FAR1: variants seen among roughly 807,000 people sequenced by gnomAD.
The protein encoded by FAR1 is male sterility domain-containing protein 2.
Under a neutral mutation model 61.1 loss-of-function variants are expected in FAR1, and 22 were observed. The ratio of observed to expected loss-of-function variants is 0.36; its 90% CI spans 0.26 to 0.51. The LOEUF is 0.51. Among genes scored for constraint, FAR1 ranks in the 20% least tolerant of loss-of-function variants. The probability of loss-of-function intolerance (pLI) is 0.95; values close to 1 mark genes in which losing one functional copy is unlikely to be tolerated. For missense variants in FAR1, 359 were observed against 626.9 expected (o/e 0.57, Z 4.56); for synonymous variants, 206 against 209.7 (o/e 0.98, Z 0.15).
intron 10 of FAR1, among the ~76,000 whole-genome samples, chr11:13,727,165 G>C (rs537148477): frequency 6.6e-6 from 1 of 152,078 alleles, no homozygotes; most frequent in East Asian, 1.9e-4. Flanking sequence ...AAATTAGTCT[G>C]TTCAGTAGGC....
In FAR1 at chr11:13,708,434, TGC is replaced by T. The variant is rs71485207; in HGVS notation, c.545+368_545+369del. ...CTCCTCACCCCACCCCATATACATG[TGC>T]GCGCGCGCGCGCACACACACACACA... On this transcript the variant is annotated intron_variant, in intron 4 of 11. Coordinates refer to ENST00000354817, the MANE Select transcript of FAR1 (RefSeq NM_032228.6). Among the ~76,000 whole-genome samples the T allele has an allele frequency of 3.2e-3, 430 of 134,408 alleles. 1 individual carries two copies. The highest frequency in any genetic ancestry group is 9.8e-3 in the African/African-American group (354 of 35,950). The allele number at this position is 134,408 out of a possible 152,430, so 88.2% of individuals were successfully genotyped here.
rs918716596 is a variant in FAR1 at position 13,677,354 on chromosome 11, C to T, written c.-8+8548C>T. Among the ~76,000 whole-genome samples the T allele has an allele frequency of 3.3e-5, 5 of 152,158 alleles. No individual in the cohort carries two copies. The South Asian group carries it at 1.0e-3, about 32-fold the overall frequency. On this transcript the variant is annotated intron_variant, in intron 1 of 11. Coordinates refer to ENST00000354817, the MANE Select transcript of FAR1 (RefSeq NM_032228.6). ...AACATTTTCCTCATGCTTTTTTATA[C>T]CTTTCTAGGATGATCTTTGCCTAAC...
At chr11:13,702,187 T>C (rs1232876525) in intron 3 of FAR1, among the ~76,000 whole-genome samples, 1 of 152,150 alleles carries the variant, frequency 6.6e-6, no homozygotes, top group Non-Finnish European at 1.5e-5. Flanking sequence ...TTATTAGGAC[T>C]ATAATATGAT....
In FAR1 at chr11:13,727,659, C is replaced by A; in HGVS notation, c.1361C>A (p.Pro454His). The A allele has an allele frequency of 6.2e-7, 1 of 1,608,550 alleles. No individual in the cohort carries two copies. The highest frequency in any genetic ancestry group is 1.1e-5 in the South Asian group (1 of 90,388). The change falls in exon 11 of 12, where the codon CCT becomes CAT. Residue 454 changes from proline to histidine, a missense_variant. Pro to His is a moderately conservative substitution (Grantham distance 77). Coordinates refer to ENST00000354817, the MANE Select transcript of FAR1 (RefSeq NM_032228.6). ...YVLNEEMSGL[P>H]AARKHLNKLR... The stretch of plus-strand genomic sequence containing the variant: ...TTGAATGAAGAAATGTCTGGCCTCC[C>A]TGCAGCCAGAAAACATCTGAACAAG...
intron 1 of FAR1, among the ~76,000 whole-genome samples, chr11:13,673,946 A>G (rs1427610015): frequency 6.6e-6 from 1 of 152,224 alleles, no homozygotes; most frequent in Admixed American, 6.5e-5. Context: ...TGAAATATAT[A>G]CTACCAATAA....
intron 2 of FAR1, among the ~76,000 whole-genome samples, chr11:13,695,835 G>A (rs1044197225): frequency 1.3e-5 from 2 of 152,096 alleles, no homozygotes; most frequent in African/African-American, 4.8e-5. Context: ...TATCACATCA[G>A]CATTTGTTTG....
chr11:13,714,448 T>C, intron 8 of FAR1, 61 bp from the exon 9 acceptor site: 2 of 1,474,858 alleles, frequency 1.4e-6, no homozygotes, highest in Non-Finnish European at 1.8e-6. Context: ...CATGATTTTT[T>C]TTTTTCAAAA....
Position 13,722,727 on chromosome 11 carries a change from T to C in FAR1, c.1257+868T>C, listed in dbSNP as rs149804792. 5.6e-4 allele frequency among the ~76,000 whole-genome samples: 85 copies of C among 152,196 alleles called. 1 individual carries two copies. The highest frequency in any genetic ancestry group is 1.9e-3 in the African/African-American group (81 of 41,552). ...CCTGACCTCAGGTGATCTGCCCACC[T>C]CAGCCTCCCCAAGTGCTGGGATTAC... On this transcript the variant is annotated intron_variant, in intron 10 of 11. Coordinates refer to ENST00000354817, the MANE Select transcript of FAR1 (RefSeq NM_032228.6).
rs1401806444 is a variant in FAR1 at position 13,727,558 on chromosome 11, C to G, written c.1260C>G (p.Thr420=). ...MNQLNPEDKK[T]FNIDVRQLHW... The stretch of plus-strand genomic sequence containing the variant: ...CAGTAATTTTTTTGTTAACGTAGAC[C>G]TTCAATATTGATGTACGGCAGTTAC... Residue 420 remains threonine, a splice_region_variant and synonymous_variant, in exon 11 of 12, where the codon ACC becomes ACG. Transcript: ENST00000354817. 6.3e-7 allele frequency: 1 copy of G among 1,597,124 alleles called. No individual in the cohort carries two copies. Among genetic ancestry groups the G allele is most frequent in the Non-Finnish European group, 8.5e-7 (1 of 1,172,494 alleles).
At position 13,707,887 on chromosome 11, in the gene FAR1, T is replaced by C. The variant is rs1355203617; in HGVS notation, c.366-13T>C. 1.4e-6 allele frequency: 2 copies of C among 1,476,204 alleles called. No individual in the cohort carries two copies. The highest frequency in any genetic ancestry group is 1.8e-6 in the Non-Finnish European group (2 of 1,107,646). The allele number at this position is 1,476,204 out of a possible 1,614,324, so 91.4% of individuals were successfully genotyped here. On this transcript the variant is annotated splice_polypyrimidine_tract_variant and intron_variant, in intron 3 of 11. Coordinates refer to ENST00000354817, the MANE Select transcript of FAR1 (RefSeq NM_032228.6). ...TTCCCAATTTTCTATTGTCACTTTTTCTTTTTAAACAGAGATGCTGTTCAG... is the reference window on the plus strand; with the variant it reads ...TTCCCAATTTTCTATTGTCACTTTTCCTTTTTAAACAGAGATGCTGTTCAG...
At chr11:13,676,128 C>A (rs1158900527) in intron 1 of FAR1, among the ~76,000 whole-genome samples, 13 of 152,148 alleles carry the variant, frequency 8.5e-5, no homozygotes, top group African/African-American at 3.1e-4. Flanking sequence ...GTTCTGCTTG[C>A]CTTTTACAAA....
rs533868250 is a variant in FAR1, at chr11:13,707,590, G to T, written c.366-310G>T. 3.9e-5 allele frequency among the ~76,000 whole-genome samples: 6 copies of T among 152,136 alleles called. No individual in the cohort carries two copies. In the East Asian group the frequency reaches 1.2e-3, roughly 29 times the overall value. ...TCAAGATGCAAAATAAGTCTAGCAT[G>T]ACTTAAAAATGTATGCATAAAAGCT... On this transcript the variant is annotated intron_variant, in intron 3 of 11. Transcript: ENST00000354817.
intron 1 of FAR1, among the ~76,000 whole-genome samples, chr11:13,679,429 C>T (rs1006063384): frequency 9.2e-5 from 14 of 152,022 alleles, no homozygotes; most frequent in Non-Finnish European, 1.9e-4. Context: ...ACTGTTTTTT[C>T]CCCCTCCAAT....
At chr11:13,715,259 A>G (rs1848543280) in intron 9 of FAR1, among the ~76,000 whole-genome samples, 1 of 152,184 alleles carries the variant, frequency 6.6e-6, no homozygotes, top group African/African-American at 2.4e-5. Flanking sequence ...CACCTGATTA[A>G]TCACAATCAG....
At chr11:13,727,411 C>T (rs761999900) in intron 10 of FAR1, 145 bp from the exon 11 acceptor site, 8 of 551,182 alleles carry the variant, frequency 1.5e-5, no homozygotes, top group Admixed American at 3.9e-5. Context: ...CAGTGACTAG[C>T]GGTAAGATTT....
chr11:13,684,199 A>T (rs1439615989), intron 1 of FAR1, among the ~76,000 whole-genome samples: 2 of 152,142 alleles, frequency 1.3e-5, no homozygotes, highest in East Asian at 3.9e-4. Flanking sequence ...GAGTCCCGTT[A>T]ATTATTTGTT....
chr11:13,705,047 G>A (rs547409993), intron 3 of FAR1, among the ~76,000 whole-genome samples: 1 of 152,010 alleles, frequency 6.6e-6, no homozygotes, highest in Non-Finnish European at 1.5e-5. Flanking sequence ...AAATGTATTG[G>A]CACTTCAGGT....
chr11:13,726,040 G>T (rs1848664178), intron 10 of FAR1, among the ~76,000 whole-genome samples: 1 of 151,728 alleles, frequency 6.6e-6, no homozygotes, highest in Admixed American at 6.6e-5. Flanking sequence ...AGATTACAAT[G>T]TCCTTTAATT....
chr11:13,720,027 A>C (rs1279778149), intron 9 of FAR1: 1 of 152,202 alleles, frequency 6.6e-6, no homozygotes, highest in African/African-American at 2.4e-5. Flanking sequence ...TTATTCCCCA[A>C]TAGTTTTCAA....
Sources: allele counts gnomAD v4.1 joint callset (sites outside exome capture counted in the v4.1 genomes callset), GRCh38; gene constraint gnomAD v4.1.1; transcripts MANE v1.5; gene names NCBI Gene and HGNC (gene_info 2026-07-23, HGNC 2026-07-21).